The following TBC1D2B variants were observed in gnomAD, a reference collection of about 807,000 sequenced individuals.
TBC1D2B encodes TBC1 domain family, member 2B.
A neutral mutation model predicts 100.8 loss-of-function variants in TBC1D2B; 64 were observed. The observed-to-expected ratio is 0.64, with a 90% CI of 0.52 to 0.78. The LOEUF is 0.78. Ranked by LOEUF, TBC1D2B falls within the 30% of genes least tolerant of loss-of-function variation. The probability of loss-of-function intolerance (pLI) is 0.00; values close to 1 mark genes in which losing one functional copy is unlikely to be tolerated. For synonymous variants in TBC1D2B, 480 were observed against 479.7 expected, an observed-to-expected ratio of 1.00 and a Z score of -0.01; for missense variants, 1,052 against 1,218.4, an observed-to-expected ratio of 0.86 and a Z score of 2.03.
chr15:78,040,200 A>G (rs1596320915), intron 3 of TBC1D2B, among the ~76,000 whole-genome samples: 1 of 152,250 alleles, frequency 6.6e-6, no homozygotes, highest in Admixed American at 6.5e-5. Context: ...TGGACTGGCC[A>G]GAATTTCAGC....
chr15:78,032,495 T>C (rs2072841338), intron 3 of TBC1D2B, among the ~76,000 whole-genome samples: 1 of 151,508 alleles, frequency 6.6e-6, no homozygotes. Context: ...TGACCAGGCA[T>C]GCACGAAGTG....
chr15:78,074,304 T>C (rs1487321940), intron 1 of TBC1D2B, among the ~76,000 whole-genome samples: 1 of 152,124 alleles, frequency 6.6e-6, no homozygotes, highest in African/African-American at 2.4e-5. Context: ...ATTACAGGCA[T>C]GAGCCACCAC....
At position 78,071,289 on chromosome 15, in the gene TBC1D2B, A is replaced by C. The variant is rs535827031; in HGVS notation, c.360+6004T>G. ...AGCTAACATTTTTAAATGGTTGAAA[A>C]AAATCAAAAGAATATTTTGCGAAAT... On this transcript the variant is annotated intron_variant, in intron 1 of 12. Transcript: ENST00000300584. Among the ~76,000 whole-genome samples the C allele has an allele frequency of 3.9e-5, 6 of 152,376 alleles. No homozygotes were observed. The South Asian group carries it at 1.2e-3, about 32-fold the overall frequency.
rs1452725181 is a variant in TBC1D2B at position 78,043,844 on chromosome 15, G to A, written c.683+1056C>T. On this transcript the variant is annotated intron_variant, in intron 3 of 12. Coordinates refer to ENST00000300584, the MANE Select transcript of TBC1D2B (RefSeq NM_144572.2). The stretch of plus-strand genomic sequence containing the variant: ...TTGAGACCAGCCCGTGCAAGATAGA[G>A]GGAACCCTGTCTCTACAAAATAAAT... Among the ~76,000 whole-genome samples the A allele has an allele frequency of 2.6e-5, 4 of 151,980 alleles. No individual in the cohort carries two copies. The East Asian group carries it at 7.8e-4, about 30-fold the overall frequency.
At position 78,024,067 on chromosome 15, in the gene TBC1D2B, C is replaced by T. The variant is rs377277693; in HGVS notation, c.1470+89G>A. 3,935 of 1,464,324 alleles carry T rather than the reference C, an allele frequency of 2.7e-3. 10 individuals are homozygous for T. Among genetic ancestry groups the T allele is most frequent in the Non-Finnish European group, 3.1e-3 (3,490 of 1,108,584 alleles). 90.7% of individuals were successfully genotyped at this position (1,464,324 alleles called of 1,614,324 possible). A position where few individuals can be genotyped will look rare whatever the true frequency, so the allele number is the denominator to read the frequency against. The stretch of plus-strand genomic sequence containing the variant: ...AATAAGTGTGCAGCTGTTCTGCCGT[C>T]ACACCAAATCAGCTCACGGAGGCCA... On this transcript the variant is annotated intron_variant, in intron 6 of 12. Transcript: ENST00000300584.
intron 1 of TBC1D2B, among the ~76,000 whole-genome samples, chr15:78,066,678 A>G (rs1251047733): frequency 6.6e-6 from 1 of 152,244 alleles, no homozygotes; most frequent in Non-Finnish European, 1.5e-5. Flanking sequence ...TACCTCTACA[A>G]CAGTATATAC....
intron 3 of TBC1D2B, among the ~76,000 whole-genome samples, chr15:78,033,426 C>T (rs1037171021): frequency 6.6e-6 from 1 of 152,108 alleles, no homozygotes; most frequent in African/African-American, 2.4e-5. Context: ...AGTATGATTC[C>T]ATTTATATAA....
At chr15:78,057,511 T>A (rs1038673001) in intron 1 of TBC1D2B, among the ~76,000 whole-genome samples, 4 of 152,042 alleles carry the variant, frequency 2.6e-5, no homozygotes, top group Non-Finnish European at 5.9e-5. Flanking sequence ...CCAGGCGTGG[T>A]GGTGGGTGCC....
intron 3 of TBC1D2B, among the ~76,000 whole-genome samples, chr15:78,036,381 T>G (rs1352987093): frequency 6.6e-6 from 1 of 152,218 alleles, no homozygotes; most frequent in Non-Finnish European, 1.5e-5. Flanking sequence ...CCAAAACTCA[T>G]GTTGAAATGT....
intron 1 of TBC1D2B, chr15:78,066,179 G>T: frequency 2.3e-6 from 1 of 430,538 alleles, no homozygotes; most frequent in South Asian, 1.6e-5. Flanking sequence ...CAGCAAAGGG[G>T]ACAGAAACCT....
intron 1 of TBC1D2B, among the ~76,000 whole-genome samples, chr15:78,065,710 C>T (rs1325862694): frequency 6.6e-6 from 1 of 152,052 alleles, no homozygotes; most frequent in African/African-American, 2.4e-5. Flanking sequence ...ACACACTATG[C>T]AATACCACAT....
In TBC1D2B at chr15:78,016,735, G is replaced by C. The variant is rs746103188; in HGVS notation, c.1586C>G (p.Ser529Cys). The C allele has an allele frequency of 2.0e-6, 3 of 1,536,634 alleles. No individual in the cohort carries two copies. The highest frequency in any genetic ancestry group is 2.6e-6 in the Non-Finnish European group (3 of 1,144,422). Residue 529 changes from serine to cysteine, a missense_variant, in exon 8 of 13, where the codon TCT becomes TGT. Physicochemically the swap from Ser to Cys is moderately radical, Grantham distance 112. Around this residue, in one of 4 missense-constraint regions of TBC1D2B, gnomAD observed 373 missense variants for 464.9 expected, o/e 0.80. Transcript: ENST00000300584. ...CTGGCAGAGCTTGGCTTCCAGGCTA[G>C]AATACTGCAGAGAATGTGGTGGTTA... ...RRERDLMAKY[S>C]SLEAKLCQIE...
At chr15:78,075,817 C>A (rs553908108) in intron 1 of TBC1D2B, among the ~76,000 whole-genome samples, 36 of 152,256 alleles carry the variant, frequency 2.4e-4, no homozygotes, top group African/African-American at 8.7e-4. Flanking sequence ...CTGGCAAAAG[C>A]TGAGTCAGCA....
intron 1 of TBC1D2B, among the ~76,000 whole-genome samples, chr15:78,063,862 GGGTCTCCAGATTCATCTACCCCTGGGC>G (rs2073600505): frequency 1.3e-5 from 2 of 151,094 alleles, no homozygotes; most frequent in African/African-American, 4.9e-5. Flanking sequence ...CTGGGCCTCT[GGGTCTCCAGATTCATCTACCCCTGGGC>G]CTCTGGGTCT....
intron 6 of TBC1D2B, among the ~76,000 whole-genome samples, chr15:78,018,768 T>A (rs1014363217): frequency 2.0e-5 from 3 of 152,142 alleles, no homozygotes; most frequent in African/African-American, 7.2e-5. Flanking sequence ...GGGGGTGAAG[T>A]GTTTTCATGT....
intron 6 of TBC1D2B, among the ~76,000 whole-genome samples, chr15:78,019,006 A>G (rs1481045606): frequency 6.6e-6 from 1 of 152,018 alleles, no homozygotes; most frequent in East Asian, 1.9e-4. Flanking sequence ...TCCCAGTCAC[A>G]GAAGAAATTA....
chr15:78,065,533 G>A (rs1346974219), intron 1 of TBC1D2B, among the ~76,000 whole-genome samples: 2 of 152,198 alleles, frequency 1.3e-5, no homozygotes, highest in South Asian at 4.1e-4. Context: ...AAGGGAGCAC[G>A]AGGCCTCCAA....
Position 77,995,542 on chromosome 15 carries a change from CATA to C in TBC1D2B, c.*2615_*2617del, listed in dbSNP as rs2071727983. 1.3e-5 allele frequency: 2 copies of C among 152,136 alleles called. No homozygotes were observed. Among genetic ancestry groups the C allele is most frequent in the South Asian group, 4.2e-4 (2 of 4,806 alleles). The allele number at this position is 152,136 out of a possible 1,614,324, so 9.4% of individuals were successfully genotyped here. Reference sequence around the variant, plus strand: ...ACACACAAGGGAGTCACACACATAACATAATAACTTGTTATATAAAATAGATAT... The same window carrying C: ...ACACACAAGGGAGTCACACACATAACATAACTTGTTATATAAAATAGATAT... On this transcript the variant is annotated 3_prime_UTR_variant, in exon 13 of 13. Coordinates refer to ENST00000300584, the MANE Select transcript of TBC1D2B (RefSeq NM_144572.2).
intron 9 of TBC1D2B, among the ~76,000 whole-genome samples, chr15:78,011,277 T>C (rs1028512190): frequency 1.3e-5 from 2 of 152,048 alleles, no homozygotes; most frequent in African/African-American, 4.8e-5. Flanking sequence ...AATCCTTTCT[T>C]CCTGCAGTAC....
Sources: gnomAD v4.1 joint callset for allele counts (sites outside exome capture counted in the v4.1 genomes callset) on GRCh38, gnomAD v4.1.1 for gene constraint, gnomAD v4.1.1 regional missense constraint, MANE v1.5 for transcripts, NCBI Gene and HGNC (gene_info 2026-07-23, HGNC 2026-07-21) for gene names.